The following TCF4 variants were observed in gnomAD, a reference collection of about 807,000 sequenced individuals.
TCF4 encodes the protein SL3-3 enhancer factor 2.
Under a neutral mutation model 82.1 loss-of-function variants are expected in TCF4, and 3 were observed. That is an observed-to-expected ratio of 0.04 (90% CI 0.02 to 0.09). The LOEUF (loss-of-function observed/expected upper bound fraction) is 0.09. Ranked by LOEUF, TCF4 falls within the 10% of genes least tolerant of loss-of-function variation. The pLI, the probability that TCF4 is intolerant of heterozygous loss-of-function variation, is 1.00. For synonymous variants in TCF4, 276 were observed against 309.6 expected, an observed-to-expected ratio of 0.89 and a Z score of 1.14; for missense variants, 518 against 852.7, an observed-to-expected ratio of 0.61 and a Z score of 4.89.
chr18:55,487,515 CA>C (rs1480358986), intron 3 of TCF4, among the ~76,000 whole-genome samples: 1 of 151,896 alleles, frequency 6.6e-6, no homozygotes, highest in Non-Finnish European at 1.5e-5. Flanking sequence ...ATCTTTGTCA[CA>C]AAAAGAAAAC....
chr18:55,449,298 T>C (rs2095580764), intron 5 of TCF4, among the ~76,000 whole-genome samples: 3 of 152,102 alleles, frequency 2.0e-5, no homozygotes, highest in Admixed American at 6.6e-5. Context: ...GCTCACTGCA[T>C]CTCAATTTCC....
chr18:55,563,238 CA>C (rs74182105), intron 3 of TCF4, among the ~76,000 whole-genome samples: 3,525 of 68,144 alleles, frequency 0.052, 37 homozygotes, highest in African/African-American at 0.055. Flanking sequence ...GACCCTGTCT[CA>C]AAAAAAAAAA....
intron 8 of TCF4, among the ~76,000 whole-genome samples, chr18:55,323,426 C>A (rs2076042821): frequency 6.6e-6 from 1 of 152,140 alleles, no homozygotes; most frequent in South Asian, 2.1e-4. Context: ...AAAGCCCGGG[C>A]TAATGGTGGA....
chr18:55,290,301 A>G (rs2064749677), intron 8 of TCF4, among the ~76,000 whole-genome samples: 1 of 152,162 alleles, frequency 6.6e-6, no homozygotes, highest in African/African-American at 2.4e-5. Flanking sequence ...AGTTAATTTC[A>G]TTGCTGCAGA....
intron 3 of TCF4, among the ~76,000 whole-genome samples, chr18:55,554,895 G>A (rs1388196938): frequency 6.6e-6 from 1 of 152,142 alleles, no homozygotes; most frequent in African/African-American, 2.4e-5. Context: ...AGAACAAATA[G>A]CAGATGCTGC....
intron 5 of TCF4, among the ~76,000 whole-genome samples, chr18:55,459,313 A>G (rs2095828668): frequency 6.6e-6 from 1 of 152,238 alleles, no homozygotes; most frequent in Non-Finnish European, 1.5e-5. Context: ...GCAGTTGCCC[A>G]TGAGGAAACA....
intron 3 of TCF4, among the ~76,000 whole-genome samples, chr18:55,527,270 G>A (rs1317772812): frequency 6.6e-6 from 1 of 152,180 alleles, no homozygotes; most frequent in South Asian, 2.1e-4. Context: ...TACCACCATC[G>A]TGGTGGGTCA....
At chr18:55,423,857 C>T (rs1257933269) in intron 5 of TCF4, among the ~76,000 whole-genome samples, 1 of 152,088 alleles carries the variant, frequency 6.6e-6, no homozygotes, top group African/African-American at 2.4e-5. Context: ...GTCTTTCTAT[C>T]TGCTTTGGCT....
chr18:55,422,428 A>G, intron 5 of TCF4: 1 of 984,498 alleles, frequency 1.0e-6, no homozygotes, highest in Non-Finnish European at 1.2e-6. Context: ...GGTTTTTTTT[A>G]ATATTAAAAA....
At chr18:55,339,874 C>T (rs2079469244) in intron 8 of TCF4, among the ~76,000 whole-genome samples, 1 of 152,214 alleles carries the variant, frequency 6.6e-6, no homozygotes. Flanking sequence ...TCTAGCCATT[C>T]TTTGACTTTA....
At chr18:55,329,084 A>G (rs1034106663) in intron 8 of TCF4, among the ~76,000 whole-genome samples, 1 of 152,174 alleles carries the variant, frequency 6.6e-6, no homozygotes, top group Non-Finnish European at 1.5e-5. Context: ...GAAAAACAAA[A>G]CATAAATTTT....
chr18:55,380,220 C>T (rs2091648640), intron 6 of TCF4, among the ~76,000 whole-genome samples: 1 of 152,016 alleles, frequency 6.6e-6, no homozygotes, highest in Admixed American at 6.6e-5. Context: ...TCGTGGTATC[C>T]TCACATGGAG....
At chr18:55,524,878 AT>A (rs1248449072) in intron 3 of TCF4, among the ~76,000 whole-genome samples, 1 of 152,210 alleles carries the variant, frequency 6.6e-6, no homozygotes, top group Non-Finnish European at 1.5e-5. Context: ...TCTAATTAGC[AT>A]TTCAAAAGAC....
Position 55,440,032 on chromosome 18 carries a change from A to G in TCF4, c.304+20987T>C, listed in dbSNP as rs139562116. 7.1e-3 allele frequency among the ~76,000 whole-genome samples: 1,078 copies of G among 152,032 alleles called. 14 individuals carry two copies. The highest frequency in any genetic ancestry group is 0.024 in the African/African-American group (1,007 of 41,466). On this transcript the variant is annotated intron_variant, in intron 5 of 19. Transcript: ENST00000354452. ...TTAGCCTGATAGCTGGAAATTTCTTACTGTGTGTCTATTCTTACACAGCAT... is the reference window on the plus strand; with the variant it reads ...TTAGCCTGATAGCTGGAAATTTCTTGCTGTGTGTCTATTCTTACACAGCAT...
chr18:55,350,482 C>T, intron 7 of TCF4, 74 bp from the exon 8 acceptor site: 1 of 1,464,050 alleles, frequency 6.8e-7, no homozygotes, highest in South Asian at 1.1e-5. Flanking sequence ...ACCACAAAGA[C>T]TTCTAGATGA....
upstream of TCF4, among the ~76,000 whole-genome samples, chr18:55,590,405 T>C (rs955349887): frequency 6.6e-6 from 1 of 152,200 alleles, no homozygotes; most frequent in African/African-American, 2.4e-5. Flanking sequence ...GTCCAAAAAG[T>C]CTTCACTTGG....
intron 6 of TCF4, among the ~76,000 whole-genome samples, chr18:55,365,185 A>ATG (rs1198885452): frequency 9.5e-5 from 10 of 105,704 alleles, no homozygotes; most frequent in African/African-American, 1.3e-4. Context: ...ATATATATAT[A>ATG]TATATATGTG....
intron 9 of TCF4, among the ~76,000 whole-genome samples, chr18:55,277,776 T>C (rs1298367960): frequency 6.6e-6 from 1 of 152,146 alleles, no homozygotes; most frequent in Non-Finnish European, 1.5e-5. Flanking sequence ...AAAAAATATA[T>C]CCTTCCGTCA....
intron 3 of TCF4, among the ~76,000 whole-genome samples, chr18:55,506,850 A>G (rs889635197): frequency 1.3e-5 from 2 of 151,496 alleles, no homozygotes; most frequent in African/African-American, 2.4e-5. Flanking sequence ...TCAGCATATG[A>G]TCTTTCTTTT....
Sources: allele counts gnomAD v4.1 joint callset (sites outside exome capture counted in the v4.1 genomes callset), GRCh38; gene constraint gnomAD v4.1.1; transcripts MANE v1.5; gene names NCBI Gene and HGNC (gene_info 2026-07-23, HGNC 2026-07-21).